The following RSPO2 variants were observed in gnomAD, a reference collection of about 807,000 sequenced individuals.
The protein encoded by RSPO2 is R-spondin 2.
A neutral mutation model predicts 30.9 loss-of-function variants in RSPO2; 14 were observed. The ratio of observed to expected loss-of-function variants is 0.45; its 90% CI spans 0.30 to 0.71. The LOEUF is 0.71. Ranked by LOEUF, RSPO2 falls within the 30% of genes least tolerant of loss-of-function variation. The pLI, the probability that RSPO2 is intolerant of heterozygous loss-of-function variation, is 0.08. For synonymous variants in RSPO2, 107 were observed against 96.4 expected (o/e 1.11, Z -0.64); for missense variants, 264 against 301.9 (o/e 0.87, Z 0.93).
At chr8:108,019,094 T>C (rs1264712192) in intron 2 of RSPO2, among the ~76,000 whole-genome samples, 1 of 152,200 alleles carries the variant, frequency 6.6e-6, no homozygotes, top group African/African-American at 2.4e-5. Flanking sequence ...CCAAGTTTAG[T>C]AAAATGAATT....
At position 107,955,896 on chromosome 8, in the gene RSPO2, TC is replaced by T. The variant is rs953232516; in HGVS notation, c.616+2183del. 9.2e-5 allele frequency among the ~76,000 whole-genome samples: 14 copies of T among 152,224 alleles called. 1 individual carries two copies. The highest frequency in any genetic ancestry group is 9.2e-4 in the Admixed American group (14 of 15,294). On this transcript the variant is annotated intron_variant, in intron 5 of 5. Transcript: ENST00000276659. The stretch of plus-strand genomic sequence containing the variant: ...GCAAAGATCTTAAAAATGCCTGTAT[TC>T]CCAACCTGATTACGACTTACATTTT...
At chr8:107,965,618 A>G (rs1813776376) in intron 3 of RSPO2, among the ~76,000 whole-genome samples, 1 of 151,868 alleles carries the variant, frequency 6.6e-6, no homozygotes. Flanking sequence ...AAAAGGGACC[A>G]ATTTCTGTCC....
intron 3 of RSPO2, 96 bp downstream of exon 3, chr8:107,988,960 A>T: frequency 2.6e-6 from 3 of 1,163,542 alleles, no homozygotes; most frequent in Non-Finnish European, 3.6e-6. Context: ...TATTACAAAC[A>T]CATTTTTTTT....
chr8:108,082,489 G>A, intron 2 of RSPO2, 56 bp downstream of exon 2: 1 of 1,367,158 alleles, frequency 7.3e-7, no homozygotes, highest in Non-Finnish European at 1.0e-6. Context: ...GTGAGTGAGC[G>A]CCTCCACACG....
chr8:108,029,052 G>GGCTTT (rs1811321501), intron 2 of RSPO2, among the ~76,000 whole-genome samples: 1 of 48,852 alleles, frequency 2.0e-5, no homozygotes, highest in Non-Finnish European at 4.2e-5. Context: ...GTTAACATGA[G>GGCTTT]TCTTTTTTTT....
intron 5 of RSPO2, among the ~76,000 whole-genome samples, chr8:107,926,583 A>G (rs1044618417): frequency 3.9e-5 from 6 of 151,992 alleles, no homozygotes; most frequent in Non-Finnish European, 7.4e-5. Context: ...ATAAGGTGTA[A>G]GAAGGGATCC....
chr8:108,051,231 C>T (rs1478352730), intron 2 of RSPO2, among the ~76,000 whole-genome samples: 3 of 152,048 alleles, frequency 2.0e-5, no homozygotes, highest in African/African-American at 7.2e-5. Flanking sequence ...ATATAGGATG[C>T]TTATTACTAT....
At chr8:108,015,200 T>C (rs1443949063) in intron 2 of RSPO2, among the ~76,000 whole-genome samples, 3 of 152,234 alleles carry the variant, frequency 2.0e-5, no homozygotes, top group Admixed American at 2.0e-4. Context: ...GTGATGTATA[T>C]ACATATTGAG....
At chr8:107,913,511 CTT>C (rs1422358665) in intron 5 of RSPO2, among the ~76,000 whole-genome samples, 1 of 152,266 alleles carries the variant, frequency 6.6e-6, no homozygotes, top group East Asian at 1.9e-4. Context: ...ACTTCAGAAT[CTT>C]TGTCAACTAC....
At chr8:107,905,835 T>G (rs1300001685) in intron 5 of RSPO2, among the ~76,000 whole-genome samples, 25 of 152,150 alleles carry the variant, frequency 1.6e-4, no homozygotes, top group African/African-American at 6.0e-4. Flanking sequence ...AAGAGGTATT[T>G]ATTTAAGACT....
At chr8:107,908,481 CTACT>C (rs1349283308) in intron 5 of RSPO2, among the ~76,000 whole-genome samples, 1 of 152,048 alleles carries the variant, frequency 6.6e-6, no homozygotes, top group Non-Finnish European at 1.5e-5. Flanking sequence ...AAATACGACT[CTACT>C]ATTTGTGTGA....
chr8:107,950,071 T>G (rs1413305689), intron 5 of RSPO2, among the ~76,000 whole-genome samples: 1 of 152,210 alleles, frequency 6.6e-6, no homozygotes, highest in East Asian at 1.9e-4. Flanking sequence ...GTGTTTAGCT[T>G]TTGCCTCCCT....
intron 3 of RSPO2, among the ~76,000 whole-genome samples, chr8:107,968,249 T>C (rs1563543353): frequency 1.3e-5 from 2 of 152,110 alleles, no homozygotes; most frequent in Non-Finnish European, 2.9e-5. Flanking sequence ...ATACACACAA[T>C]AGAATGTTAT....
intron 2 of RSPO2, among the ~76,000 whole-genome samples, chr8:108,008,968 T>C (rs1379194179): frequency 2.0e-5 from 3 of 151,930 alleles, no homozygotes; most frequent in Non-Finnish European, 4.4e-5. Flanking sequence ...AAAAATATAA[T>C]AAGCTATTGA....
intron 2 of RSPO2, among the ~76,000 whole-genome samples, chr8:108,015,668 C>T (rs910913750): frequency 2.6e-5 from 4 of 151,398 alleles, no homozygotes; most frequent in African/African-American, 9.7e-5. Flanking sequence ...TAGCAAGAAT[C>T]CCCCTACCCT....
intron 5 of RSPO2, among the ~76,000 whole-genome samples, chr8:107,949,333 T>C (rs1408133763): frequency 1.3e-5 from 2 of 152,212 alleles, no homozygotes; most frequent in African/African-American, 4.8e-5. Context: ...AATGCCATTA[T>C]TTCATTCCTT....
intron 2 of RSPO2, among the ~76,000 whole-genome samples, chr8:108,032,314 A>T (rs1407125614): frequency 6.6e-6 from 1 of 152,200 alleles, no homozygotes; most frequent in Non-Finnish European, 1.5e-5. Context: ...CTATCCAAGG[A>T]TCCATTCATT....
intron 5 of RSPO2, among the ~76,000 whole-genome samples, chr8:107,902,023 C>T (rs1376965304): frequency 1.3e-5 from 2 of 152,128 alleles, no homozygotes; most frequent in Non-Finnish European, 2.9e-5. Flanking sequence ...TATAGTTTTA[C>T]AGTCTTACTT....
intron 2 of RSPO2, among the ~76,000 whole-genome samples, chr8:108,044,236 GT>G (rs796625725): frequency 5.3e-5 from 8 of 151,936 alleles, no homozygotes; most frequent in African/African-American, 1.9e-4. Context: ...GAGGTTTTGT[GT>G]TTTTTTGTAA....
Sources: gnomAD v4.1 joint callset for allele counts (sites outside exome capture counted in the v4.1 genomes callset) on GRCh38, gnomAD v4.1.1 for gene constraint, MANE v1.5 for transcripts, NCBI Gene and HGNC (gene_info 2026-07-23, HGNC 2026-07-21) for gene names.